Variants in DLGAP1 observed in about 807,000 individuals in gnomAD.
DLGAP1 encodes DLG associated protein 1.
A neutral mutation model predicts 90.8 loss-of-function variants in DLGAP1; 11 were observed. The ratio of observed to expected loss-of-function variants is 0.12; its 90% CI spans 0.08 to 0.20. The LOEUF is 0.20. Ranked by LOEUF, DLGAP1 falls within the 10% of genes least tolerant of loss-of-function variation. The pLI is 1.00. For missense variants in DLGAP1, 1,050 were observed against 1,333.8 expected, an observed-to-expected ratio of 0.79 and a Z score of 3.31; for synonymous variants, 558 against 540.7, an observed-to-expected ratio of 1.03 and a Z score of -0.44.
At chr18:3,596,818 T>C (rs1485347958) in intron 7 of DLGAP1, 1 of 519,806 alleles carries the variant, frequency 1.9e-6, no homozygotes, top group South Asian at 1.4e-5. Flanking sequence ...AGCCATTCGC[T>C]GTGATCTCTG....
At chr18:4,105,482 ATTACT>A (rs927595560) in intron 2 of DLGAP1, among the ~76,000 whole-genome samples, 17 of 152,202 alleles carry the variant, frequency 1.1e-4, no homozygotes, top group African/African-American at 4.1e-4. Context: ...CTCACTTCAC[ATTACT>A]TCTGATATTT....
At chr18:3,562,784 C>T (rs1303624550) in intron 9 of DLGAP1, among the ~76,000 whole-genome samples, 1 of 151,116 alleles carries the variant, frequency 6.6e-6, no homozygotes. Flanking sequence ...AGCCACTGTG[C>T]CTGGCCAGAT....
intron 2 of DLGAP1, among the ~76,000 whole-genome samples, chr18:4,020,095 GTT>G (rs1179197886): frequency 6.6e-6 from 1 of 152,142 alleles, no homozygotes; most frequent in Non-Finnish European, 1.5e-5. Flanking sequence ...GGAGACCTAG[GTT>G]TTATCGTGCA....
intron 5 of DLGAP1, among the ~76,000 whole-genome samples, chr18:3,788,911 C>A (rs920842991): frequency 3.3e-5 from 5 of 152,226 alleles, no homozygotes; most frequent in African/African-American, 7.2e-5. Flanking sequence ...AAACAAACAA[C>A]AGCCACAACA....
At chr18:3,694,408 G>A (rs572558499) in intron 7 of DLGAP1, among the ~76,000 whole-genome samples, 2 of 152,234 alleles carry the variant, frequency 1.3e-5, no homozygotes, top group South Asian at 4.1e-4. Flanking sequence ...ACTCAGTAAT[G>A]GGATTGCTGG....
chr18:3,516,195 G>A (rs989525394), intron 10 of DLGAP1, among the ~76,000 whole-genome samples: 2 of 151,958 alleles, frequency 1.3e-5, no homozygotes, highest in South Asian at 2.1e-4. Context: ...GTCTAGAATG[G>A]TGATTCCTTT....
chr18:3,658,091 A>G (rs1029585410), intron 7 of DLGAP1, among the ~76,000 whole-genome samples: 9 of 152,106 alleles, frequency 5.9e-5, no homozygotes, highest in Non-Finnish European at 1.2e-4. Flanking sequence ...CTTCAATACT[A>G]TGTCAGTACC....
At chr18:4,437,374 A>G (rs574642553) in intron 1 of DLGAP1, among the ~76,000 whole-genome samples, 1 of 152,230 alleles carries the variant, frequency 6.6e-6, no homozygotes, top group Non-Finnish European at 1.5e-5. Context: ...AATATCCATA[A>G]GGGAGTAGTT....
rs147839498 is a variant in DLGAP1 at position 3,822,209 on chromosome 18, A to C, written c.958-7936T>G. On this transcript the variant is annotated intron_variant, in intron 4 of 12. Coordinates refer to ENST00000315677, the MANE Select transcript of DLGAP1 (RefSeq NM_004746.4). ...TTAGATTGCTTAAAATTACCTTTTA[A>C]GGATAAGAGTAAATACCTACCTCTT... Among the ~76,000 whole-genome samples, 494 of 152,322 alleles carry C rather than the reference A, an allele frequency of 3.2e-3. 3 individuals carry two copies. Among genetic ancestry groups the C allele is most frequent in the African/African-American group, 0.011 (477 of 41,578 alleles).
chr18:3,989,421 C>A (rs2073915422), intron 3 of DLGAP1, among the ~76,000 whole-genome samples: 1 of 152,172 alleles, frequency 6.6e-6, no homozygotes, highest in South Asian at 2.1e-4. Flanking sequence ...AGAAGGAAGA[C>A]TTCCTGTCCA....
At chr18:4,005,713 C>A (rs2074287447) in intron 2 of DLGAP1, among the ~76,000 whole-genome samples, 1 of 152,124 alleles carries the variant, frequency 6.6e-6, no homozygotes, top group Non-Finnish European at 1.5e-5. Flanking sequence ...TGATAGGAGC[C>A]TTCTCCATCA....
chr18:3,605,004 G>T (rs1439205734), intron 7 of DLGAP1, among the ~76,000 whole-genome samples: 1 of 152,082 alleles, frequency 6.6e-6, no homozygotes, highest in Non-Finnish European at 1.5e-5. Context: ...AGTCTCACTG[G>T]GTCTGTCTTT....
chr18:4,280,470 C>T (rs182528394), intron 1 of DLGAP1, among the ~76,000 whole-genome samples: 76 of 152,240 alleles, frequency 5.0e-4, no homozygotes, highest in African/African-American at 1.6e-3. Flanking sequence ...AGTATTTACT[C>T]CCTGACTTCA....
intron 1 of DLGAP1, among the ~76,000 whole-genome samples, chr18:4,269,519 AATTTTTGTGT>A (rs959870902): frequency 4.6e-5 from 7 of 151,508 alleles, no homozygotes; most frequent in African/African-American, 1.5e-4. Flanking sequence ...ATGCGCGGCT[AATTTTTGTGT>A]ATTTTTAGTA....
chr18:4,007,101 A>G lies in DLGAP1; in HGVS notation c.-158-1900T>C, dbSNP rs138915783. 8.2e-3 allele frequency among the ~76,000 whole-genome samples: 1,242 copies of G among 152,330 alleles called. 23 individuals are homozygous for G. Among genetic ancestry groups the G allele is most frequent in the African/African-American group, 0.028 (1,166 of 41,582 alleles). ...GCGCCTGGCCCATGCTAAGCACTCA[A>G]TACAAGAATAACCCTGGTGACACAT... On this transcript the variant is annotated intron_variant, in intron 2 of 12. Coordinates refer to ENST00000315677, the MANE Select transcript of DLGAP1 (RefSeq NM_004746.4).
chr18:4,395,854 G>A (rs980614971), intron 1 of DLGAP1, among the ~76,000 whole-genome samples: 3 of 152,090 alleles, frequency 2.0e-5, no homozygotes, highest in African/African-American at 4.8e-5. Flanking sequence ...CTGAATGCGG[G>A]AGCTGCAGTT....
At chr18:4,170,784 A>C (rs2077010409) in intron 1 of DLGAP1, among the ~76,000 whole-genome samples, 1 of 152,224 alleles carries the variant, frequency 6.6e-6, no homozygotes. Flanking sequence ...ATTGTCTTCC[A>C]CAACAAAGGA....
intron 2 of DLGAP1, among the ~76,000 whole-genome samples, chr18:4,034,809 T>C (rs2074861301): frequency 6.6e-6 from 1 of 152,068 alleles, no homozygotes; most frequent in Non-Finnish European, 1.5e-5. Flanking sequence ...ATATTACAAG[T>C]GTAATGAATT....
intron 7 of DLGAP1, among the ~76,000 whole-genome samples, chr18:3,681,904 G>A (rs2060526284): frequency 6.6e-6 from 1 of 152,058 alleles, no homozygotes; most frequent in Non-Finnish European, 1.5e-5. Context: ...GATCACTTGA[G>A]GTCAGAAGGT....
Sources: gnomAD v4.1 joint callset for allele counts (sites outside exome capture counted in the v4.1 genomes callset) on GRCh38, gnomAD v4.1.1 for gene constraint, MANE v1.5 for transcripts, NCBI Gene and HGNC (gene_info 2026-07-23, HGNC 2026-07-21) for gene names.